Variants in ARB2A observed in about 807,000 individuals in gnomAD.
The protein encoded by ARB2A is cotranscriptional regulator ARB2A.
At chr5:93,953,507 CT>C in the ARB2A span, among the ~76,000 whole-genome samples, 131,527 of 152,064 alleles carry the variant, frequency 0.86, 58,352 homozygotes, top group East Asian at 1. Flanking sequence ...CCCAGAGTCT[CT>C]TCCCTTTGTG....
the ARB2A span, among the ~76,000 whole-genome samples, chr5:94,021,681 G>C: frequency 1.3e-5 from 2 of 152,180 alleles, no homozygotes; most frequent in Non-Finnish European, 2.9e-5. Context: ...GGAGACTGGA[G>C]TTTGCAGTCC....
the ARB2A span, among the ~76,000 whole-genome samples, chr5:94,092,931 CTG>C: frequency 6.6e-6 from 1 of 152,218 alleles, no homozygotes; most frequent in South Asian, 2.1e-4. Flanking sequence ...CTCTTTAAAT[CTG>C]TGATAAATCT....
chr5:93,688,407 C>T, the ARB2A span, among the ~76,000 whole-genome samples: 1 of 152,234 alleles, frequency 6.6e-6, no homozygotes, highest in Non-Finnish European at 1.5e-5. Context: ...CATTTCCATT[C>T]TATAGCCTAA....
the ARB2A span, among the ~76,000 whole-genome samples, chr5:93,705,651 GTA>G: frequency 0.087 from 11,493 of 132,348 alleles, 770 homozygotes; most frequent in African/African-American, 0.2. Context: ...GTGTGTGTGT[GTA>G]TATATATATA....
chr5:93,620,816 G>T, the ARB2A span: 1 of 820,314 alleles, frequency 1.2e-6, no homozygotes, highest in Non-Finnish European at 1.8e-6. Context: ...TGCTTTGACA[G>T]TTGCACTCAT....
At chr5:93,930,495 C>G in the ARB2A span, among the ~76,000 whole-genome samples, 1 of 152,078 alleles carries the variant, frequency 6.6e-6, no homozygotes, top group Non-Finnish European at 1.5e-5. Context: ...AATACTCTTA[C>G]AGAAATCATA....
At chr5:94,073,684 T>C in the ARB2A span, among the ~76,000 whole-genome samples, 7 of 152,118 alleles carry the variant, frequency 4.6e-5, no homozygotes, top group East Asian at 1.2e-3. Context: ...TGACATACAT[T>C]ACTTGCCCTC....
chr5:93,998,954 G>A, the ARB2A span, among the ~76,000 whole-genome samples: 6 of 151,934 alleles, frequency 3.9e-5, no homozygotes, highest in African/African-American at 1.4e-4. Context: ...ACATTTCAGT[G>A]CAAATACAAT....
the ARB2A span, among the ~76,000 whole-genome samples, chr5:93,839,252 A>C: frequency 6.6e-6 from 1 of 152,180 alleles, no homozygotes; most frequent in African/African-American, 2.4e-5. Flanking sequence ...AACATTAAAA[A>C]TGTTGAATTT....
the ARB2A span, among the ~76,000 whole-genome samples, chr5:93,661,037 A>C: frequency 6.6e-6 from 1 of 152,164 alleles, no homozygotes; most frequent in Non-Finnish European, 1.5e-5. Flanking sequence ...TAACTAAATA[A>C]CTTAACAAAT....
the ARB2A span, among the ~76,000 whole-genome samples, chr5:93,687,485 A>G: frequency 2.0e-5 from 3 of 152,208 alleles, no homozygotes; most frequent in African/African-American, 7.2e-5. Context: ...TTCAATAGAT[A>G]CTGTCCAATG....
the ARB2A span, among the ~76,000 whole-genome samples, chr5:93,814,359 C>T: frequency 6.6e-6 from 1 of 151,986 alleles, no homozygotes; most frequent in South Asian, 2.1e-4. Flanking sequence ...TTGCATCAAG[C>T]AAAAGATAAC....
chr5:94,001,244 A>G, the ARB2A span, among the ~76,000 whole-genome samples: 1 of 152,102 alleles, frequency 6.6e-6, no homozygotes, highest in African/African-American at 2.4e-5. Context: ...GGAAGAACTG[A>G]CATCATGACA....
the ARB2A span, among the ~76,000 whole-genome samples, chr5:94,059,247 A>C: frequency 6.6e-6 from 1 of 152,104 alleles, no homozygotes; most frequent in African/African-American, 2.4e-5. Context: ...AAACTTTAAG[A>C]CCACAAATCC....
the ARB2A span, among the ~76,000 whole-genome samples, chr5:93,866,986 T>TG: frequency 5.9e-5 from 9 of 151,714 alleles, no homozygotes; most frequent in Non-Finnish European, 1.2e-4. Context: ...CCCTTTAATG[T>TG]GAAAAAAAAA....
At chr5:93,788,933 C>T in the ARB2A span, among the ~76,000 whole-genome samples, 2 of 152,244 alleles carry the variant, frequency 1.3e-5, no homozygotes, top group Non-Finnish European at 2.9e-5. Flanking sequence ...GAAGCTGATG[C>T]ATAATTTCAT....
At chr5:93,798,369 T>C in the ARB2A span, among the ~76,000 whole-genome samples, 8 of 152,164 alleles carry the variant, frequency 5.3e-5, no homozygotes, top group African/African-American at 1.9e-4. Flanking sequence ...AATTTTCCAG[T>C]AATTCAATTA....
At chr5:93,971,416 A>T in the ARB2A span, among the ~76,000 whole-genome samples, 1 of 151,884 alleles carries the variant, frequency 6.6e-6, no homozygotes, top group Non-Finnish European at 1.5e-5. Context: ...AAAAATACAA[A>T]ATTAGCCAGG....
the ARB2A span, among the ~76,000 whole-genome samples, chr5:94,087,227 A>T: frequency 1.3e-5 from 2 of 152,182 alleles, no homozygotes; most frequent in African/African-American, 4.8e-5. Flanking sequence ...TATGTGTTTT[A>T]AGCTAAGTAT....
Sources: allele counts gnomAD v4.1 joint callset (sites outside exome capture counted in the v4.1 genomes callset), GRCh38; gene constraint gnomAD v4.1.1; transcripts MANE v1.5; gene names NCBI Gene and HGNC (gene_info 2026-07-23, HGNC 2026-07-21).